FGD3: variants seen among roughly 807,000 people sequenced by gnomAD.
FGD3 encodes FYVE, RhoGEF and PH domain-containing protein 3.
In FGD3, 45 loss-of-function variants were observed where a neutral mutation model predicts 71.8. The ratio of observed to expected loss-of-function variants is 0.63; its 90% CI spans 0.49 to 0.80. The LOEUF is 0.80. Among genes scored for constraint, FGD3 ranks in the 30% least tolerant of loss-of-function variants. FGD3 has a pLI of 0.00. For missense variants in FGD3, 844 were observed against 951.5 expected, an observed-to-expected ratio of 0.89 and a Z score of 1.49; for synonymous variants, 378 against 392.8, an observed-to-expected ratio of 0.96 and a Z score of 0.44.
chr9:93,031,623 G>A (rs922550078), intron 15 of FGD3, among the ~76,000 whole-genome samples: 3 of 152,288 alleles, frequency 2.0e-5, no homozygotes, highest in African/African-American at 7.2e-5. Flanking sequence ...TACTTGAAAA[G>A]AGCAATCTCC....
At chr9:92,954,346 C>T (rs912901641) in intron 1 of FGD3, among the ~76,000 whole-genome samples, 1 of 152,182 alleles carries the variant, frequency 6.6e-6, no homozygotes, top group Non-Finnish European at 1.5e-5. Context: ...CCTGTCTTGT[C>T]AGAAGAATGA....
intron 14 of FGD3, among the ~76,000 whole-genome samples, chr9:93,027,122 G>A (rs992826807): frequency 6.6e-6 from 1 of 152,212 alleles, no homozygotes; most frequent in South Asian, 2.1e-4. Context: ...AGAGGTGCCG[G>A]GGGCTGCAGC....
chr9:93,004,037 C>T lies in FGD3; in HGVS notation c.580C>T (p.Pro194Ser). 1 of 1,614,200 alleles carries T rather than the reference C, an allele frequency of 6.2e-7. No homozygotes were observed. Among genetic ancestry groups the T allele is most frequent in the Non-Finnish European group, 8.5e-7 (1 of 1,180,044 alleles). The change falls in exon 5 of 18, where the codon CCA (proline) becomes TCA (serine). Residue 194 changes from proline (P) to serine (S), a missense_variant. Pro to Ser is a moderately conservative substitution (Grantham distance 74). Transcript: ENST00000375482. ...CTRLTDAGIP[P>S]EVIMGIFSNI... ...CAGGCTGACGGATGCGGGGATCCCT[C>T]CAGAAGTCATCATGGGCATATTCTC...
At chr9:92,955,780 A>G (rs371675377) in intron 1 of FGD3, among the ~76,000 whole-genome samples, 16 of 152,238 alleles carry the variant, frequency 1.1e-4, no homozygotes, top group African/African-American at 1.4e-4. Context: ...TGTTTCTACA[A>G]TTTTGTCATT....
At chr9:92,998,032 G>A (rs1860714916) in intron 3 of FGD3, among the ~76,000 whole-genome samples, 2 of 152,320 alleles carry the variant, frequency 1.3e-5, no homozygotes, top group South Asian at 2.1e-4. Flanking sequence ...CTAGGTTGGC[G>A]AAGTTCTCCT....
chr9:92,957,492 T>TA (rs1390812251), intron 1 of FGD3, among the ~76,000 whole-genome samples: 1 of 152,172 alleles, frequency 6.6e-6, no homozygotes, highest in African/African-American at 2.4e-5. Flanking sequence ...TTATTGTCTA[T>TA]TTAGGTAACT....
At chr9:93,021,342 CG>C (rs2118793623) in intron 13 of FGD3, among the ~76,000 whole-genome samples, 1 of 152,252 alleles carries the variant, frequency 6.6e-6, no homozygotes, top group South Asian at 2.1e-4. Context: ...GGGTCCTTGC[CG>C]AGAAGCCTGG....
chr9:93,030,967 A>G (rs1455636387), intron 15 of FGD3, among the ~76,000 whole-genome samples: 1 of 152,114 alleles, frequency 6.6e-6, no homozygotes, highest in East Asian at 1.9e-4. Context: ...GGATGGATGG[A>G]TGGATGAACA....
intron 8 of FGD3, among the ~76,000 whole-genome samples, chr9:93,012,696 G>T (rs546760799): frequency 3.7e-5 from 5 of 135,308 alleles, no homozygotes; most frequent in East Asian, 2.1e-4. Flanking sequence ...GCGGGGTGTG[G>T]GGGGGGGAAG....
chr9:93,034,505 G>A (rs779773585), intron 16 of FGD3, 36 bp from the exon 17 acceptor site: 4 of 1,581,120 alleles, frequency 2.5e-6, no homozygotes, highest in Non-Finnish European at 3.4e-6. Context: ...CCACTGCAGG[G>A]GAGACTGCCC....
At chr9:93,019,929 G>T (rs911259506) in intron 12 of FGD3, 68 bp downstream of exon 12, 20 of 1,568,992 alleles carry the variant, frequency 1.3e-5, no homozygotes, top group Non-Finnish European at 1.7e-5. Flanking sequence ...ATTCATGTTG[G>T]TTCAGAGGGT....
chr9:93,015,650 A>G, intron 9 of FGD3, 87 bp from the exon 10 acceptor site: 1 of 845,144 alleles, frequency 1.2e-6, no homozygotes, highest in Non-Finnish European at 2.0e-6. Context: ...AAAAAAATGA[A>G]AAGGATCCCA....
rs544358302 is a variant in FGD3 at position 92,958,126 on chromosome 9, G to A, written c.-218+10397G>A. Among the ~76,000 whole-genome samples the A allele has an allele frequency of 4.6e-5, 7 of 151,754 alleles. No homozygotes were observed. In the East Asian group the frequency reaches 1.4e-3, roughly 29 times the overall value. On this transcript the variant is annotated intron_variant, in intron 1 of 17. Coordinates refer to ENST00000375482, the MANE Select transcript of FGD3 (RefSeq NM_001083536.2). Reference sequence around the variant, plus strand: ...TGATTCTCCTGTCTCAGTCTCCCGAGTAGCTGGGATTACAGGTGCGCACCA... The same window carrying A: ...TGATTCTCCTGTCTCAGTCTCCCGAATAGCTGGGATTACAGGTGCGCACCA...
intron 1 of FGD3, among the ~76,000 whole-genome samples, chr9:92,971,015 G>A (rs1276630810): frequency 1.3e-5 from 2 of 152,160 alleles, no homozygotes; most frequent in Admixed American, 6.5e-5. Flanking sequence ...TCTGTAAAAA[G>A]TCCTTGCAAC....
At chr9:92,977,698 C>T (rs556923913) in intron 3 of FGD3, among the ~76,000 whole-genome samples, 3 of 152,228 alleles carry the variant, frequency 2.0e-5, no homozygotes, top group South Asian at 2.1e-4. Flanking sequence ...CACACCACAC[C>T]GTGAGGCCAC....
chr9:92,992,350 A>G (rs140743410), intron 3 of FGD3, among the ~76,000 whole-genome samples: 44 of 152,182 alleles, frequency 2.9e-4, no homozygotes, highest in African/African-American at 1.0e-3. Flanking sequence ...TGTTTTCAAG[A>G]TGGTGTTTAT....
In FGD3 at chr9:93,006,119, G is replaced by C; in HGVS notation, c.776G>C (p.Gly259Ala). Residue 259 changes from glycine (G) to alanine (A), a missense_variant, in exon 6 of 18, where the codon GGG (glycine) becomes GCG (alanine). By Grantham distance (60) the Gly-to-Ala change is moderately conservative. Transcript: ENST00000375482. ...GTCAAGAACTTTGACCGAGCCGTAGGGCTGGTGAGCACGTGGACCCAGCGC... is the reference window on the plus strand; with the variant it reads ...GTCAAGAACTTTGACCGAGCCGTAGCGCTGGTGAGCACGTGGACCCAGCGC... ...EYVKNFDRAVGLVSTWTQRSP... is the reference protein window; with the variant it reads ...EYVKNFDRAVALVSTWTQRSP... 1 of 1,613,468 alleles carries C rather than the reference G, an allele frequency of 6.2e-7. No homozygotes were observed. Among genetic ancestry groups the C allele is most frequent in the Non-Finnish European group, 8.5e-7 (1 of 1,179,732 alleles).
chr9:92,999,710 C>A (rs1050923276), intron 3 of FGD3, among the ~76,000 whole-genome samples: 2 of 151,700 alleles, frequency 1.3e-5, no homozygotes, highest in Admixed American at 1.3e-4. Context: ...TCTCCTGCCT[C>A]AGCCTCCTGA....
chr9:93,017,985 A>G (rs7048701), intron 10 of FGD3, 151 bp from the exon 11 acceptor site: 151,471 of 714,532 alleles, frequency 0.21, 17,182 homozygotes, highest in African/African-American at 0.3. Flanking sequence ...ACGCTGACCT[A>G]AGCCTCTGCA....
Sources: allele counts gnomAD v4.1 joint callset (sites outside exome capture counted in the v4.1 genomes callset), GRCh38; gene constraint gnomAD v4.1.1; transcripts MANE v1.5; gene names NCBI Gene and HGNC (gene_info 2026-07-23, HGNC 2026-07-21).